EXTL3: variants seen among roughly 807,000 people sequenced by gnomAD.
EXTL3 encodes exostosin-like 3.
A neutral mutation model predicts 69.3 loss-of-function variants in EXTL3; 27 were observed. The ratio of observed to expected loss-of-function variants is 0.39; its 90% CI spans 0.29 to 0.54. The LOEUF is 0.54. EXTL3 is among the 20% of genes least tolerant of loss of function. The pLI is 0.69. For missense variants in EXTL3, 1,003 were observed against 1,231.8 expected, an observed-to-expected ratio of 0.81 and a Z score of 2.78; for synonymous variants, 511 against 499.4, an observed-to-expected ratio of 1.02 and a Z score of -0.31.
chr8:28,755,200 G>A lies in EXTL3; in HGVS notation c.*4334G>A, dbSNP rs1489207402. ...TGTCCACTTCTTCATGGCTCTTTCT[G>A]CCTTCCGCTAGGTTTGAGCGCCAGC... On this transcript the variant is annotated 3_prime_UTR_variant, in exon 7 of 7. Coordinates refer to ENST00000220562, the MANE Select transcript of EXTL3 (RefSeq NM_001440.4). 1 of 152,228 alleles carries A rather than the reference G, an allele frequency of 6.6e-6. No homozygotes were observed. Among genetic ancestry groups the A allele is most frequent in the East Asian group, 1.9e-4 (1 of 5,192 alleles). The allele number at this position is 152,228 out of a possible 1,614,324, so 9.4% of individuals were successfully genotyped here. A position where few individuals can be genotyped will look rare whatever the true frequency, so the allele number is the denominator to read the frequency against.
At chr8:28,705,738 C>T (rs1249351301) in intron 1 of EXTL3, among the ~76,000 whole-genome samples, 1 of 152,158 alleles carries the variant, frequency 6.6e-6, no homozygotes, top group African/African-American at 2.4e-5. Context: ...ATATTCTAGG[C>T]ACTTGCATAC....
At chr8:28,743,732 T>C (rs906450069) in intron 6 of EXTL3, among the ~76,000 whole-genome samples, 6 of 152,220 alleles carry the variant, frequency 3.9e-5, no homozygotes, top group Non-Finnish European at 7.3e-5. Flanking sequence ...CTGTAACTCG[T>C]TTCCTTTGTC....
At chr8:28,628,778 C>T (rs533187345) in intron 1 of EXTL3, among the ~76,000 whole-genome samples, 2 of 152,218 alleles carry the variant, frequency 1.3e-5, no homozygotes, top group South Asian at 2.1e-4. Flanking sequence ...CTCAGCCTCC[C>T]GAGTAGCTGG....
In EXTL3 at chr8:28,713,476, T is replaced by A. The variant is rs1424405570; in HGVS notation, c.-550T>A. The A allele has an allele frequency of 1.4e-6, 1 of 699,334 alleles. No individual in the cohort carries two copies. Among genetic ancestry groups the A allele is most frequent in the Non-Finnish European group, 2.6e-6 (1 of 383,874 alleles). The allele number at this position is 699,334 out of a possible 1,614,324, so 43.3% of individuals were successfully genotyped here. A position where few individuals can be genotyped will look rare whatever the true frequency, so the allele number is the denominator to read the frequency against. ...AATCAGGAGAGCAAGCCCTGGAGGT[T>A]CACTCTTTCAAGAAGTCGTGTGCTG... is the stretch of plus-strand genomic sequence containing the variant. On this transcript the variant is annotated 5_prime_UTR_variant, in exon 2 of 7. Coordinates refer to ENST00000220562, the MANE Select transcript of EXTL3 (RefSeq NM_001440.4).
At chr8:28,685,095 G>A (rs1807555161) in intron 1 of EXTL3, among the ~76,000 whole-genome samples, 1 of 151,988 alleles carries the variant, frequency 6.6e-6, no homozygotes, top group Non-Finnish European at 1.5e-5. Context: ...GGGATTACAG[G>A]CACGTGCCAC....
At chr8:28,694,110 A>T (rs1462305856) in intron 1 of EXTL3, among the ~76,000 whole-genome samples, 1 of 152,180 alleles carries the variant, frequency 6.6e-6, no homozygotes, top group Non-Finnish European at 1.5e-5. Flanking sequence ...CCTCTCTGAG[A>T]CTTGAAGTAA....
rs540149823 is a variant in EXTL3, at chr8:28,739,371, G to A, written c.2421+1708G>A. On this transcript the variant is annotated intron_variant, in intron 5 of 6. Transcript: ENST00000220562. ...TAAGACAGGGTCTCACTGTCGCCCA[G>A]GTTGGAGTGTAATGGTGGGGTCTCA... Among the ~76,000 whole-genome samples the A allele has an allele frequency of 7.2e-5, 11 of 152,188 alleles. No individual in the cohort carries two copies. The East Asian group carries it at 2.1e-3, about 29-fold the overall frequency.
intron 1 of EXTL3, among the ~76,000 whole-genome samples, chr8:28,658,251 CAG>C (rs922183286): frequency 1.1e-4 from 17 of 152,142 alleles, no homozygotes; most frequent in African/African-American, 3.9e-4. Context: ...TGTCAGGCCT[CAG>C]CAGGGGATAT....
rs928526657 is a variant in EXTL3, at chr8:28,717,728, T to G, written c.1669T>G (p.Ser557Ala). 6.2e-7 allele frequency: 1 copy of G among 1,614,224 alleles called. No homozygotes were observed. The highest frequency in any genetic ancestry group is 1.7e-5 in the Admixed American group (1 of 60,028). ...GGCGGCAGCTGAGATCCCCCACCGT[T>G]CAGGCAAGGCGGCTGGAACTGACCC... ...EEAAAEIPHR[S>A]GKAAGTDPNM... Residue 557 changes from serine (S) to alanine (A), a missense_variant, in exon 3 of 7, where the codon TCA becomes GCA. Transcript: ENST00000220562. The surrounding 1 kb of genome is among the most constrained non-coding windows in gnomAD (Gnocchi z 8.3).
At chr8:28,714,001 G>T (rs1801088582) in intron 2 of EXTL3, among the ~76,000 whole-genome samples, 1 of 150,236 alleles carries the variant, frequency 6.7e-6, no homozygotes. Context: ...CCACCTCCCG[G>T]GTTCAGGCGA....
intron 3 of EXTL3, among the ~76,000 whole-genome samples, chr8:28,726,453 C>T (rs764612837): frequency 6.6e-6 from 1 of 152,112 alleles, no homozygotes; most frequent in Non-Finnish European, 1.5e-5. Context: ...CTTTTTGCGG[C>T]TATAGGGAAA....
At position 28,752,012 on chromosome 8, in the gene EXTL3, C is replaced by T. The variant is rs149778738; in HGVS notation, c.*1146C>T. 9 of 152,504 alleles carry T rather than the reference C, an allele frequency of 5.9e-5. No homozygotes were observed. The highest frequency in any genetic ancestry group is 2.2e-4 in the African/African-American group (9 of 41,586). The allele number at this position is 152,504 out of a possible 1,614,324, so 9.4% of individuals were successfully genotyped here. Reference sequence around the variant, plus strand: ...TTGGTGAAATTCACCTTCCCCCCGCCTCTGTCTGGAGCCCCATCCTGTGTT... The same window carrying T: ...TTGGTGAAATTCACCTTCCCCCCGCTTCTGTCTGGAGCCCCATCCTGTGTT... On this transcript the variant is annotated 3_prime_UTR_variant, in exon 7 of 7. Coordinates refer to ENST00000220562, the MANE Select transcript of EXTL3 (RefSeq NM_001440.4).
At chr8:28,677,722 CTT>C (rs1807410402) in intron 1 of EXTL3, among the ~76,000 whole-genome samples, 1 of 152,092 alleles carries the variant, frequency 6.6e-6, no homozygotes, top group Admixed American at 6.6e-5. Flanking sequence ...TCAAAAATCA[CTT>C]TGTTCTGTTA....
intron 1 of EXTL3, among the ~76,000 whole-genome samples, chr8:28,657,756 A>G (rs1306747679): frequency 6.6e-6 from 1 of 152,142 alleles, no homozygotes; most frequent in East Asian, 1.9e-4. Context: ...CCATTATTAC[A>G]CAACTTGAAG....
At chr8:28,612,470 AAAAAAAAGAAAAAAG>A (rs1032996794) in intron 2 of EXTL3, among the ~76,000 whole-genome samples, 64 of 151,824 alleles carry the variant, frequency 4.2e-4, no homozygotes, top group East Asian at 2.3e-3. Flanking sequence ...TCTTAAAAAA[AAAAAAAAGAAAAAAG>A]AAAAAAAGAA....
At chr8:28,697,850 A>G (rs1800709779), upstream of EXTL3, 1 of 151,954 alleles carries the variant, frequency 6.6e-6, no homozygotes, top group African/African-American at 2.4e-5. Flanking sequence ...AAAAAAAAAA[A>G]ACTACATACA....
chr8:28,687,611 CAA>C (rs1807598200), intron 1 of EXTL3, among the ~76,000 whole-genome samples: 1 of 152,160 alleles, frequency 6.6e-6, no homozygotes, highest in Admixed American at 6.5e-5. Flanking sequence ...CAGTTTGGCT[CAA>C]GAGCTCAGAA....
At chr8:28,656,593 C>T (rs919932930) in intron 1 of EXTL3, among the ~76,000 whole-genome samples, 1 of 152,120 alleles carries the variant, frequency 6.6e-6, no homozygotes. Context: ...TGTTCCCAAC[C>T]TTGGGATTAG....
chr8:28,737,813 G>A (rs913137566), intron 5 of EXTL3, 150 bp downstream of exon 5: 6 of 921,368 alleles, frequency 6.5e-6, no homozygotes, highest in Non-Finnish European at 1.0e-5. Context: ...TACAGACAAT[G>A]ATCAAGATGC....
Sources: allele counts gnomAD v4.1 joint callset (sites outside exome capture counted in the v4.1 genomes callset), GRCh38; gene constraint gnomAD v4.1.1; non-coding constraint Gnocchi (gnomAD v3.1); transcripts MANE v1.5; gene names NCBI Gene and HGNC (gene_info 2026-07-23, HGNC 2026-07-21).